Variants in ABRAXAS2 observed in about 807,000 individuals in gnomAD.
The protein encoded by ABRAXAS2 is BRISC complex subunit Abraxas 2.
A neutral mutation model predicts 49.0 loss-of-function variants in ABRAXAS2; 23 were observed. The ratio of observed to expected loss-of-function variants is 0.47; its 90% CI spans 0.34 to 0.66. ABRAXAS2 has a LOEUF of 0.66. Ranked by LOEUF, ABRAXAS2 falls within the 30% of genes least tolerant of loss-of-function variation. The probability of loss-of-function intolerance (pLI) is 0.01; values close to 1 mark genes in which losing one functional copy is unlikely to be tolerated. For missense variants in ABRAXAS2, 443 were observed against 511.9 expected, an observed-to-expected ratio of 0.87 and a Z score of 1.30; for synonymous variants, 168 against 180.2, an observed-to-expected ratio of 0.93 and a Z score of 0.54.
chr10:124,829,584 G>GA (rs1210201006), intron 7 of ABRAXAS2, 107 bp downstream of exon 7: 1 of 716,192 alleles, frequency 1.4e-6, no homozygotes, highest in African/African-American at 1.8e-5. Flanking sequence ...GTTAGGATCC[G>GA]AAAGTCAGAA....
At chr10:124,812,921 G>A (rs1589804364) in intron 2 of ABRAXAS2, among the ~76,000 whole-genome samples, 1 of 152,130 alleles carries the variant, frequency 6.6e-6, no homozygotes, top group East Asian at 1.9e-4. Context: ...CACATTTTGG[G>A]CTGGGCGTGG....
intron 1 of ABRAXAS2, 52 bp downstream of exon 1, chr10:124,801,953 C>G (rs1456547181): frequency 6.3e-6 from 10 of 1,577,416 alleles, no homozygotes; most frequent in African/African-American, 2.7e-5. Context: ...GCCTCTGTCT[C>G]AGGCCGGCGC....
At chr10:124,833,143 C>T (rs1950945332) in intron 8 of ABRAXAS2, among the ~76,000 whole-genome samples, 1 of 112,152 alleles carries the variant, frequency 8.9e-6, no homozygotes, top group African/African-American at 3.5e-5. Flanking sequence ...AAGACTCTGT[C>T]TCAAAAAAAA....
At chr10:124,815,995 C>T (rs937784366) in intron 2 of ABRAXAS2, among the ~76,000 whole-genome samples, 6 of 151,138 alleles carry the variant, frequency 4.0e-5, no homozygotes, top group South Asian at 2.1e-4. Context: ...CTCAGCCTCC[C>T]GGGTTCAAGT....
chr10:124,820,473 CTTTTT>C (rs201478453), intron 4 of ABRAXAS2, among the ~76,000 whole-genome samples: 1 of 152,020 alleles, frequency 6.6e-6, no homozygotes, highest in African/African-American at 2.4e-5. Context: ...CTTCATTATA[CTTTTT>C]TTTAAAGTTT....
At chr10:124,810,064 T>C (rs1950776992) in intron 2 of ABRAXAS2, among the ~76,000 whole-genome samples, 1 of 152,188 alleles carries the variant, frequency 6.6e-6, no homozygotes, top group African/African-American at 2.4e-5. Context: ...TTATGATATT[T>C]TTTTGAAATT....
chr10:124,834,735 G>A lies in ABRAXAS2; in HGVS notation c.1012G>A (p.Gly338Ser), dbSNP rs1325476807. ...CTTTATGCCTCGACCTCAAGCTGTG[G>A]GCTCTTCCAATTATGCTTCCACCAG... ...SVFMPRPQAV[G>S]SSNYASTSAG... The change falls in exon 9 of 9, where the codon GGC becomes AGC. Residue 338 changes from glycine to serine, a missense_variant. Around this residue, in one of 3 missense-constraint regions of ABRAXAS2, gnomAD observed 230 missense variants for 237.0 expected, o/e 0.97. Transcript: ENST00000298492. The A allele has an allele frequency of 6.2e-7, 1 of 1,614,018 alleles. No individual in the cohort carries two copies.
intron 4 of ABRAXAS2, among the ~76,000 whole-genome samples, chr10:124,822,202 GGAGATGAAGCAGTCCTTACA>G (rs1950865982): frequency 6.6e-6 from 1 of 152,140 alleles, no homozygotes. Context: ...CCATACTATG[GGAGATGAAGCAGTCCTTACA>G]AAGAAGGAGA....
In ABRAXAS2 at chr10:124,834,667, A is replaced by G. The variant is rs776188839; in HGVS notation, c.944A>G (p.Asn315Ser). The G allele has an allele frequency of 4.3e-6, 7 of 1,614,168 alleles. No individual in the cohort carries two copies. Among genetic ancestry groups the G allele is most frequent in the Non-Finnish European group, 5.9e-6 (7 of 1,180,020 alleles). Reference sequence around the variant, plus strand: ...CCTTACTCTGATTTTCACCCAAACAATCAAGAAAGTACTTTGAGCCACTCT... The same window carrying G: ...CCTTACTCTGATTTTCACCCAAACAGTCAAGAAAGTACTTTGAGCCACTCT... ...PPPYSDFHPN[N>S]QESTLSHSRM... The change falls in exon 9 of 9, where the codon AAT becomes AGT. Residue 315 changes from asparagine to serine, a missense_variant. Asn to Ser is a conservative substitution (Grantham distance 46, BLOSUM62 1). This residue lies in a region of ABRAXAS2 where 230 missense variants were observed against 237.0 expected (regional missense o/e 0.97). Coordinates refer to ENST00000298492, the MANE Select transcript of ABRAXAS2 (RefSeq NM_032182.4).
Position 124,831,381 on chromosome 10 carries a change from A to C in ABRAXAS2, c.696A>C (p.Arg232=). The change falls in exon 8 of 9, where the codon CGA becomes CGC. Residue 232 remains arginine, a synonymous_variant. Transcript: ENST00000298492. Reference sequence around the variant, plus strand: ...GTGCAGATGTTGAAAAGAGTGAGCGAGTTGTTGAATCTTGTCAGGCAGAAG... The same window carrying C: ...GTGCAGATGTTGAAAAGAGTGAGCGCGTTGTTGAATCTTGTCAGGCAGAAG... ...AVCADVEKSE[R]VVESCQAEVN... is the part of the protein sequence containing the mutation. The C allele has an allele frequency of 1.2e-6, 2 of 1,613,112 alleles. No homozygotes were observed. The highest frequency in any genetic ancestry group is 1.7e-6 in the Non-Finnish European group (2 of 1,179,306).
intron 8 of ABRAXAS2, 129 bp from the exon 9 acceptor site, chr10:124,834,369 ATAAT>A (rs539319195): frequency 1.6e-3 from 1,087 of 689,926 alleles, no homozygotes; most frequent in Non-Finnish European, 2.2e-3. Flanking sequence ...CAATTGTAAA[ATAAT>A]TAATAGTGAC....
intron 1 of ABRAXAS2, 95 bp downstream of exon 1, chr10:124,801,996 C>T (rs1373681198): frequency 7.8e-7 from 1 of 1,288,550 alleles, no homozygotes; most frequent in Admixed American, 2.1e-5. Flanking sequence ...TGCGGCTCGC[C>T]CCCTGGGCAC....
At chr10:124,806,518 ACTT>A (rs1564917934) in intron 1 of ABRAXAS2, among the ~76,000 whole-genome samples, 2 of 152,214 alleles carry the variant, frequency 1.3e-5, no homozygotes, top group Non-Finnish European at 2.9e-5. Context: ...AAATATTTCT[ACTT>A]CTTGAGTTTT....
At chr10:124,834,442 A>G (rs1159667585) in intron 8 of ABRAXAS2, 60 bp from the exon 9 acceptor site, 3 of 1,455,706 alleles carry the variant, frequency 2.1e-6, no homozygotes, top group South Asian at 2.6e-5. Flanking sequence ...CGTGTTATAC[A>G]TTGAGATGAA....
At chr10:124,803,767 G>A (rs999315070) in intron 1 of ABRAXAS2, among the ~76,000 whole-genome samples, 1 of 152,032 alleles carries the variant, frequency 6.6e-6, no homozygotes, top group Non-Finnish European at 1.5e-5. Flanking sequence ...CAGGCGTGGT[G>A]GCACATGCCT....
At position 124,806,901 on chromosome 10, in the gene ABRAXAS2, C is replaced by T. The variant is rs768349234; in HGVS notation, c.143C>T (p.Thr48Ile). The change falls in exon 2 of 9, where the codon ACA becomes ATA. Residue 48 changes from threonine (T) to isoleucine (I), a missense_variant. Physicochemically the swap from Thr to Ile is moderately conservative, Grantham distance 89 (BLOSUM62 -1). Around this residue, in one of 3 missense-constraint regions of ABRAXAS2, gnomAD observed 166 missense variants for 247.3 expected, o/e 0.67. Coordinates refer to ENST00000298492, the MANE Select transcript of ABRAXAS2 (RefSeq NM_032182.4). ...ATCAGTGACTCACAAATCAGCAACACAGAATTTCTGCAAGTAATTGGTAAG... is the reference window on the plus strand; with the variant it reads ...ATCAGTGACTCACAAATCAGCAACATAGAATTTCTGCAAGTAATTGGTAAG... ...FSISDSQISN[T>I]EFLQVIEIHN... 6.2e-7 allele frequency: 1 copy of T among 1,610,090 alleles called. No homozygotes were observed. The highest frequency in any genetic ancestry group is 8.5e-7 in the Non-Finnish European group (1 of 1,177,340).
At chr10:124,816,641 A>C (rs771557830) in intron 3 of ABRAXAS2, 29 bp downstream of exon 3, 1 of 1,532,372 alleles carries the variant, frequency 6.5e-7, no homozygotes, top group Non-Finnish European at 9.0e-7. Context: ...TTTAGTCCTT[A>C]CTAAAAGGAT....
chr10:124,834,913 C>T lies in ABRAXAS2; in HGVS notation c.1190C>T (p.Ser397Phe). Residue 397 changes from serine to phenylalanine, a missense_variant, in exon 9 of 9, where the codon TCT (serine) becomes TTT (phenylalanine). Transcript: ENST00000298492. ...AGTGAATACTCACATTCAAAGGATTCTCGACCCATGGCACATCCCGACGAG... is the reference window on the plus strand; with the variant it reads ...AGTGAATACTCACATTCAAAGGATTTTCGACCCATGGCACATCCCGACGAG... ...SNSEYSHSKD[S>F]RPMAHPDEDP... The T allele has an allele frequency of 1.2e-6, 2 of 1,614,118 alleles. No individual in the cohort carries two copies. Among genetic ancestry groups the T allele is most frequent in the Non-Finnish European group, 1.7e-6 (2 of 1,180,000 alleles).
chr10:124,827,104 A>T (rs1426685341), intron 5 of ABRAXAS2, among the ~76,000 whole-genome samples: 1 of 151,732 alleles, frequency 6.6e-6, no homozygotes, highest in East Asian at 1.9e-4. Flanking sequence ...AAAAAAAAAA[A>T]AAGGATGTTG....
Sources: gnomAD v4.1 joint callset for allele counts (sites outside exome capture counted in the v4.1 genomes callset) on GRCh38, gnomAD v4.1.1 for gene constraint, gnomAD v4.1.1 regional missense constraint, MANE v1.5 for transcripts, NCBI Gene and HGNC (gene_info 2026-07-23, HGNC 2026-07-21) for gene names.